The following SGCZ variants were observed in gnomAD, a reference collection of about 807,000 sequenced individuals.
SGCZ encodes the protein zeta-sarcoglycan.
In SGCZ, 40 loss-of-function variants were observed where a neutral mutation model predicts 41.3. That is an observed-to-expected ratio of 0.97 (90% CI 0.75 to 1.26). SGCZ has a LOEUF of 1.26. Ranked by LOEUF, SGCZ falls within the 50% of genes most tolerant of loss-of-function variation. SGCZ has a pLI of 0.00. For synonymous variants in SGCZ, 206 were observed against 137.5 expected, an observed-to-expected ratio of 1.50 and a Z score of -3.49; for missense variants, 552 against 369.8, an observed-to-expected ratio of 1.49 and a Z score of -4.04.
At chr8:14,777,360 A>G (rs1439773547) in intron 1 of SGCZ, among the ~76,000 whole-genome samples, 1 of 152,250 alleles carries the variant, frequency 6.6e-6, no homozygotes, top group Non-Finnish European at 1.5e-5. Flanking sequence ...AGAAAGCTGA[A>G]TAAAAAAATA....
chr8:14,602,144 A>C (rs1227136043), intron 1 of SGCZ, among the ~76,000 whole-genome samples: 1 of 152,068 alleles, frequency 6.6e-6, no homozygotes, highest in Admixed American at 6.6e-5. Flanking sequence ...AAATAATAAA[A>C]TAAAATAAAA....
intron 1 of SGCZ, among the ~76,000 whole-genome samples, chr8:14,806,205 G>T (rs1360168842): frequency 1.3e-5 from 2 of 151,838 alleles, no homozygotes; most frequent in Non-Finnish European, 2.9e-5. Flanking sequence ...TCAAAAGCTA[G>T]CAGAAGGCAA....
intron 1 of SGCZ, among the ~76,000 whole-genome samples, chr8:15,205,932 G>A (rs1264846768): frequency 6.6e-6 from 1 of 152,192 alleles, no homozygotes; most frequent in Admixed American, 6.5e-5. Flanking sequence ...TGTGTCTTTT[G>A]TGGGAACATG....
intron 3 of SGCZ, among the ~76,000 whole-genome samples, chr8:14,259,607 G>C (rs1799581999): frequency 7.6e-6 from 1 of 131,114 alleles, no homozygotes; most frequent in African/African-American, 2.6e-5. Flanking sequence ...GTTTGTCAAA[G>C]ATCAGATAGT....
chr8:14,370,505 C>A lies in SGCZ; in HGVS notation c.235-46301G>T, dbSNP rs183431867. On this transcript the variant is annotated intron_variant, in intron 2 of 7. Transcript: ENST00000382080. ...TAAATATGAAAAGTGTGTTGTAATC[C>A]AATCACAGTAACACAACTGGTAAAC... 1.1e-3 allele frequency among the ~76,000 whole-genome samples: 174 copies of A among 151,864 alleles called. 1 individual carries two copies. Among genetic ancestry groups the A allele is most frequent in the African/African-American group, 4.0e-3 (164 of 41,488 alleles).
intron 4 of SGCZ, among the ~76,000 whole-genome samples, chr8:14,176,198 C>A (rs1327291618): frequency 1.3e-5 from 2 of 152,066 alleles, no homozygotes; most frequent in Non-Finnish European, 2.9e-5. Flanking sequence ...TACACAGAAC[C>A]CTTAGTCCAA....
Position 14,174,546 on chromosome 8 carries a change from C to A in SGCZ, c.425-9844G>T, listed in dbSNP as rs116367389. Among the ~76,000 whole-genome samples, 847 of 152,130 alleles carry A rather than the reference C, an allele frequency of 5.6e-3. 15 individuals are homozygous for A. The highest frequency in any genetic ancestry group is 0.02 in the African/African-American group (816 of 41,524). ...CTCAAGAAGTTCAATGTATGCCCAG[C>A]CTACTCCCAAGAAATAAAATCCCCA... On this transcript the variant is annotated intron_variant, in intron 4 of 7. Transcript: ENST00000382080.
At chr8:15,195,495 C>T (rs977899333) in intron 1 of SGCZ, among the ~76,000 whole-genome samples, 10 of 152,266 alleles carry the variant, frequency 6.6e-5, no homozygotes, top group African/African-American at 2.4e-4. Context: ...CCTGAGCATC[C>T]TTTTGTCTCC....
At chr8:14,683,860 T>C (rs118049437) in intron 1 of SGCZ, among the ~76,000 whole-genome samples, 2,624 of 152,274 alleles carry the variant, frequency 0.017, 45 homozygotes, top group South Asian at 0.084. Context: ...CTAGAAGTTA[T>C]ATCCTCTGAT....
At chr8:15,203,306 T>C (rs1054519144) in intron 1 of SGCZ, among the ~76,000 whole-genome samples, 7 of 152,192 alleles carry the variant, frequency 4.6e-5, no homozygotes, top group African/African-American at 1.7e-4. Context: ...GCCTTTTATC[T>C]CTATTTCTCC....
intron 1 of SGCZ, among the ~76,000 whole-genome samples, chr8:14,770,902 T>C (rs944121895): frequency 1.3e-5 from 2 of 152,148 alleles, no homozygotes; most frequent in African/African-American, 4.8e-5. Context: ...ACAATAAATA[T>C]GCTGTCAATT....
chr8:14,924,537 C>G (rs1259215052), intron 1 of SGCZ, among the ~76,000 whole-genome samples: 1 of 147,838 alleles, frequency 6.8e-6, no homozygotes, highest in East Asian at 2.0e-4. Flanking sequence ...TGAATAAGTA[C>G]AAAAAAAAAA....
chr8:14,918,950 C>G (rs1799513610), intron 1 of SGCZ, among the ~76,000 whole-genome samples: 1 of 152,174 alleles, frequency 6.6e-6, no homozygotes, highest in Non-Finnish European at 1.5e-5. Context: ...AGCATAGACC[C>G]TGAAGGAAGA....
intron 1 of SGCZ, among the ~76,000 whole-genome samples, chr8:14,774,513 G>T (rs1384862973): frequency 2.0e-5 from 3 of 152,192 alleles, no homozygotes. Flanking sequence ...ACATGTTGCA[G>T]CCCTTATGGC....
chr8:14,478,900 T>C (rs945478542), intron 2 of SGCZ, among the ~76,000 whole-genome samples: 1 of 151,682 alleles, frequency 6.6e-6, no homozygotes, highest in Non-Finnish European at 1.5e-5. Flanking sequence ...GGTCGCTACA[T>C]CTGCTCACCT....
At chr8:14,736,439 T>C (rs972182144) in intron 1 of SGCZ, among the ~76,000 whole-genome samples, 16 of 152,160 alleles carry the variant, frequency 1.1e-4, no homozygotes, top group Admixed American at 5.9e-4. Context: ...AAACGCAAAC[T>C]GGCTATAAAA....
chr8:14,206,549 G>A (rs554417777), intron 4 of SGCZ, among the ~76,000 whole-genome samples: 1 of 152,112 alleles, frequency 6.6e-6, no homozygotes, highest in Non-Finnish European at 1.5e-5. Flanking sequence ...TGCTTTATTA[G>A]AGATAATTTC....
intron 1 of SGCZ, among the ~76,000 whole-genome samples, chr8:15,024,337 G>C (rs943283263): frequency 6.6e-6 from 1 of 152,108 alleles, no homozygotes; most frequent in African/African-American, 2.4e-5. Flanking sequence ...TTTGTTTATA[G>C]AAGCATAAAT....
At chr8:14,099,020 C>T (rs1207220811) in intron 7 of SGCZ, among the ~76,000 whole-genome samples, 1 of 152,082 alleles carries the variant, frequency 6.6e-6, no homozygotes, top group Admixed American at 6.5e-5. Context: ...TAGCTCCACC[C>T]ATATAAAAAG....
Sources: allele counts gnomAD v4.1 joint callset (sites outside exome capture counted in the v4.1 genomes callset), GRCh38; gene constraint gnomAD v4.1.1; transcripts MANE v1.5; gene names NCBI Gene and HGNC (gene_info 2026-07-23, HGNC 2026-07-21).